The following OTUD7A variants were observed in gnomAD, a reference collection of about 807,000 sequenced individuals.
OTUD7A encodes the protein OTU deubiquitinase 7A.
OTUD7A carries 12 observed loss-of-function variants against 65.7 expected under a neutral mutation model. The ratio of observed to expected loss-of-function variants is 0.18; its 90% confidence interval spans 0.12 to 0.30. The LOEUF (loss-of-function observed/expected upper bound fraction) is 0.30, where lower values mean the gene tolerates loss of function less well. Ranked by LOEUF, OTUD7A falls within the 10% of genes least tolerant of loss-of-function variation. The probability of loss-of-function intolerance (pLI) is 1.00; values close to 1 mark genes in which losing one functional copy is unlikely to be tolerated. For synonymous variants in OTUD7A, 641 were observed against 586.3 expected, an observed-to-expected ratio of 1.09 and a Z score of -1.35; for missense variants, 1,148 against 1,304.8, an observed-to-expected ratio of 0.88 and a Z score of 1.85.
chr15:31,512,416 C>T (rs1017381726), intron 8 of OTUD7A, among the ~76,000 whole-genome samples: 1 of 152,070 alleles, frequency 6.6e-6, no homozygotes, highest in African/African-American at 2.4e-5. Context: ...TTCCTGGTGT[C>T]GTAAAGCAAT....
rs2041178150 is a variant in OTUD7A, at chr15:31,483,762, G to A, written c.2334C>T (p.Val778=). The change falls in exon 13 of 13, where the codon GTC becomes GTT. Residue 778 remains valine (V), a synonymous_variant. Coordinates refer to ENST00000307050, the MANE Select transcript of OTUD7A (RefSeq NM_001382637.1). ...RSPPAPARQS[V]IHVQASGARD... Reference sequence around the variant, plus strand: ...GCGCGCCCGACGCCTGCACGTGGATGACGCTCTGGCGCGCTGGCGCCGGGG... The same window carrying A: ...GCGCGCCCGACGCCTGCACGTGGATAACGCTCTGGCGCGCTGGCGCCGGGG... 7 of 1,081,054 alleles carry A rather than the reference G, an allele frequency of 6.5e-6. No homozygotes were observed. Among genetic ancestry groups the A allele is most frequent in the Non-Finnish European group, 7.8e-6 (7 of 894,368 alleles). 67.0% of individuals were successfully genotyped at this position (1,081,054 alleles called of 1,614,324 possible).
intron 1 of OTUD7A, among the ~76,000 whole-genome samples, chr15:31,781,065 G>A (rs1457501206): frequency 2.0e-5 from 3 of 152,144 alleles, no homozygotes; most frequent in African/African-American, 7.2e-5. Flanking sequence ...CCAGCAATGT[G>A]TCTCTTCCAC....
At chr15:31,595,440 T>C (rs991641361) in intron 3 of OTUD7A, among the ~76,000 whole-genome samples, 2 of 152,236 alleles carry the variant, frequency 1.3e-5, no homozygotes, top group Admixed American at 6.5e-5. Context: ...CATGGTAGAA[T>C]GAATGCCCAG....
intron 1 of OTUD7A, among the ~76,000 whole-genome samples, chr15:31,785,366 G>A (rs1946899613): frequency 6.6e-6 from 1 of 152,062 alleles, no homozygotes; most frequent in South Asian, 2.1e-4. Flanking sequence ...ATTTTTATTT[G>A]AAACATGTCT....
chr15:31,809,907 C>T (rs532341117), intron 1 of OTUD7A, among the ~76,000 whole-genome samples: 15 of 152,312 alleles, frequency 9.8e-5, no homozygotes, highest in African/African-American at 3.4e-4. Flanking sequence ...TTTCTTAGTC[C>T]GTTAAAGACT....
chr15:31,640,927 T>C (rs1215079270), intron 3 of OTUD7A, among the ~76,000 whole-genome samples: 2 of 152,204 alleles, frequency 1.3e-5, no homozygotes, highest in Non-Finnish European at 2.9e-5. Context: ...AGTCTTCATG[T>C]TGAACATTTG....
intron 6 of OTUD7A, among the ~76,000 whole-genome samples, chr15:31,528,027 G>A (rs1354949000): frequency 2.6e-5 from 4 of 152,210 alleles, no homozygotes; most frequent in African/African-American, 4.8e-5. Context: ...CCATCCATCC[G>A]TCCATCCAGC....
At chr15:31,522,979 C>A (rs2041958526) in intron 8 of OTUD7A, among the ~76,000 whole-genome samples, 1 of 152,244 alleles carries the variant, frequency 6.6e-6, no homozygotes, top group South Asian at 2.1e-4. Flanking sequence ...GCCCGCACTG[C>A]ACCCTTTACC....
At chr15:31,606,597 C>T (rs112200927) in intron 3 of OTUD7A, among the ~76,000 whole-genome samples, 5 of 152,306 alleles carry the variant, frequency 3.3e-5, no homozygotes, top group African/African-American at 1.2e-4. Context: ...AATGGAATTA[C>T]ACATCCTGCA....
intron 1 of OTUD7A, among the ~76,000 whole-genome samples, chr15:31,738,107 A>G (rs1894242088): frequency 6.6e-6 from 1 of 152,182 alleles, no homozygotes; most frequent in Admixed American, 6.5e-5. Context: ...ATTTTTGTAA[A>G]AGGTTAACAG....
At chr15:31,774,835 G>C (rs1238850000) in intron 1 of OTUD7A, among the ~76,000 whole-genome samples, 1 of 151,728 alleles carries the variant, frequency 6.6e-6, no homozygotes, top group African/African-American at 2.4e-5. Flanking sequence ...TTAGAATTAA[G>C]AGTCAACAAC....
rs543893449 is a variant in OTUD7A at position 31,671,168 on chromosome 15, T to C, written c.-99-14091A>G. Among the ~76,000 whole-genome samples the C allele has an allele frequency of 3.9e-5, 6 of 152,330 alleles. No homozygotes were observed. The South Asian group carries it at 1.0e-3, about 26-fold the overall frequency. ...GCCCATGCCTACGTCCTAGATGGCA[T>C]TGCCTAGATTTTCTTCTAGGGTTTT... On this transcript the variant is annotated intron_variant, in intron 1 of 12. Coordinates refer to ENST00000307050, the MANE Select transcript of OTUD7A (RefSeq NM_001382637.1).
intron 1 of OTUD7A, among the ~76,000 whole-genome samples, chr15:31,684,167 C>G (rs1892784110): frequency 6.6e-6 from 1 of 152,174 alleles, no homozygotes; most frequent in Non-Finnish European, 1.5e-5. Context: ...CCTCCCTAAT[C>G]AATGGCCAAG....
At chr15:31,842,830 T>C (rs1897216242) in intron 1 of OTUD7A, among the ~76,000 whole-genome samples, 1 of 152,068 alleles carries the variant, frequency 6.6e-6, no homozygotes, top group Non-Finnish European at 1.5e-5. Flanking sequence ...CCAAATCCAC[T>C]GTTGGGCCCA....
chr15:31,863,199 G>A (rs1014143960), intron 1 of OTUD7A, among the ~76,000 whole-genome samples: 1 of 152,172 alleles, frequency 6.6e-6, no homozygotes, highest in Non-Finnish European at 1.5e-5. Flanking sequence ...CTGCTTTCAG[G>A]GGCTGGTGTT....
chr15:31,623,148 G>A (rs576299553), intron 3 of OTUD7A, among the ~76,000 whole-genome samples: 6 of 152,208 alleles, frequency 3.9e-5, no homozygotes, highest in Non-Finnish European at 8.8e-5. Flanking sequence ...GGGGTACCCA[G>A]CCGTGTGAGG....
intron 5 of OTUD7A, among the ~76,000 whole-genome samples, chr15:31,543,760 C>A (rs1238336827): frequency 6.6e-6 from 1 of 151,568 alleles, no homozygotes. Flanking sequence ...ATTAAAAATC[C>A]ATAGGAATAA....
At chr15:31,850,664 C>G (rs1394103191) in intron 1 of OTUD7A, among the ~76,000 whole-genome samples, 4 of 152,134 alleles carry the variant, frequency 2.6e-5, no homozygotes, top group Non-Finnish European at 5.9e-5. Flanking sequence ...CTGATGCATA[C>G]AAAGCACTTT....
intron 1 of OTUD7A, among the ~76,000 whole-genome samples, chr15:31,715,139 C>T (rs1893550457): frequency 6.6e-6 from 1 of 151,932 alleles, no homozygotes; most frequent in Admixed American, 6.6e-5. Context: ...CTCAAAAAAA[C>T]AAAACAAAAC....
Sources: allele counts gnomAD v4.1 joint callset (sites outside exome capture counted in the v4.1 genomes callset), GRCh38; gene constraint gnomAD v4.1.1; transcripts MANE v1.5; gene names NCBI Gene and HGNC (gene_info 2026-07-23, HGNC 2026-07-21).